Variants in LRRC40 observed in about 807,000 individuals in gnomAD.
LRRC40 encodes the protein leucine-rich repeat-containing protein 40.
A neutral mutation model predicts 72.8 loss-of-function variants in LRRC40; 76 were observed. The ratio of observed to expected loss-of-function variants is 1.04; its 90% CI spans 0.87 to 1.26. The LOEUF (loss-of-function observed/expected upper bound fraction) is 1.26. LRRC40 is among the 50% of genes most tolerant of loss of function. LRRC40 has a pLI of 0.00. For synonymous variants in LRRC40, 243 were observed against 254.2 expected (o/e 0.96, Z 0.42); for missense variants, 684 against 698.9 (o/e 0.98, Z 0.24).
chr1:70,168,026 T>G (rs1667925101), intron 9 of LRRC40, among the ~76,000 whole-genome samples: 1 of 152,140 alleles, frequency 6.6e-6, no homozygotes, highest in South Asian at 2.1e-4. Flanking sequence ...CTGCTCCCTC[T>G]CTCCCCTCTT....
Position 70,148,696 on chromosome 1 carries a change from C to T in LRRC40, c.1518-24G>A, listed in dbSNP as rs369287925. The T allele has an allele frequency of 4.9e-6, 7 of 1,425,832 alleles. No individual in the cohort carries two copies. In the African/African-American group the frequency reaches 8.5e-5, roughly 17 times the overall value. The allele number at this position is 1,425,832 out of a possible 1,614,324, so 88.3% of individuals were successfully genotyped here. Reference sequence around the variant, plus strand: ...ACCTATTAATACATGAACAGAACACCTAAATATACTGGAATCAGACCAAAA... The same window carrying T: ...ACCTATTAATACATGAACAGAACACTTAAATATACTGGAATCAGACCAAAA... On this transcript the variant is annotated intron_variant, in intron 13 of 14. Coordinates refer to ENST00000370952, the MANE Select transcript of LRRC40 (RefSeq NM_017768.5).
intron 9 of LRRC40, among the ~76,000 whole-genome samples, chr1:70,164,177 G>C (rs1667827610): frequency 6.6e-6 from 1 of 152,022 alleles, no homozygotes; most frequent in Non-Finnish European, 1.5e-5. Flanking sequence ...GATCACCTGA[G>C]GTCGGGAGTT....
intron 1 of LRRC40, among the ~76,000 whole-genome samples, chr1:70,192,801 G>C (rs768550886): frequency 3.9e-5 from 6 of 151,986 alleles, no homozygotes; most frequent in Non-Finnish European, 8.8e-5. Context: ...ACAGACACTG[G>C]GGTCCTCTTG....
intron 9 of LRRC40, 141 bp downstream of exon 9, chr1:70,173,324 T>C (rs956379555): frequency 6.4e-6 from 4 of 626,078 alleles, no homozygotes; most frequent in Admixed American, 3.0e-5. Context: ...ACAGACTATA[T>C]GGATTTAGAA....
chr1:70,200,828 CAA>C (rs1668721673), intron 1 of LRRC40, among the ~76,000 whole-genome samples: 1 of 151,910 alleles, frequency 6.6e-6, no homozygotes, highest in Non-Finnish European at 1.5e-5. Context: ...AGAGAGCGTG[CAA>C]GAGAGAGAGC....
At chr1:70,185,655 C>G (rs1490900756) in intron 3 of LRRC40, among the ~76,000 whole-genome samples, 1 of 152,170 alleles carries the variant, frequency 6.6e-6, no homozygotes, top group Non-Finnish European at 1.5e-5. Flanking sequence ...CACACATATA[C>G]CACAATGGAG....
intron 7 of LRRC40, among the ~76,000 whole-genome samples, chr1:70,173,921 T>A (rs1282367739): frequency 6.6e-6 from 1 of 152,008 alleles, no homozygotes; most frequent in African/African-American, 2.4e-5. Context: ...CATGCTGAGA[T>A]TAATTTTAAA....
At chr1:70,199,987 G>C (rs150446416) in intron 1 of LRRC40, among the ~76,000 whole-genome samples, 1 of 151,996 alleles carries the variant, frequency 6.6e-6, no homozygotes, top group East Asian at 1.9e-4. Flanking sequence ...TACTGGACTG[G>C]GTTAATAGTC....
At chr1:70,164,980 G>A (rs959015641) in intron 9 of LRRC40, among the ~76,000 whole-genome samples, 5 of 152,142 alleles carry the variant, frequency 3.3e-5, no homozygotes, top group Admixed American at 2.0e-4. Context: ...CAAGGACATT[G>A]TAGGGTAATT....
intron 6 of LRRC40, among the ~76,000 whole-genome samples, chr1:70,177,788 G>T (rs1668141812): frequency 6.6e-6 from 1 of 152,052 alleles, no homozygotes; most frequent in South Asian, 2.1e-4. Context: ...AATGACAATG[G>T]GTTTTAGGTT....
chr1:70,179,068 A>AT lies in LRRC40; in HGVS notation c.662-76dup, dbSNP rs1268639546. 3 of 856,196 alleles carry AT rather than the reference A, an allele frequency of 3.5e-6. No homozygotes were observed. In the Admixed American group the frequency reaches 9.8e-5, roughly 28 times the overall value. 53.0% of individuals were successfully genotyped at this position (856,196 alleles called of 1,614,324 possible). ...TTCTGATCGTATACAACTTTAAAGAATGTGTAAGAAATCGCTATGAGGACT... is the reference window on the plus strand; with the variant it reads ...TTCTGATCGTATACAACTTTAAAGAATTGTGTAAGAAATCGCTATGAGGACT... On this transcript the variant is annotated intron_variant, in intron 5 of 14. Transcript: ENST00000370952.
rs1012039308 is a variant in LRRC40, at chr1:70,145,687, C to T, written c.*113G>A. The stretch of plus-strand genomic sequence containing the variant: ...ACAGGTAGGTGATACTGGGAAACTA[C>T]AAGATCAATTACAATAATCACCTTT... On this transcript the variant is annotated 3_prime_UTR_variant, in exon 15 of 15. Coordinates refer to ENST00000370952, the MANE Select transcript of LRRC40 (RefSeq NM_017768.5). 1.1e-5 allele frequency: 6 copies of T among 550,808 alleles called. No individual in the cohort carries two copies. The highest frequency in any genetic ancestry group is 1.3e-5 in the Non-Finnish European group (4 of 307,468). The allele number at this position is 550,808 out of a possible 1,614,324, so 34.1% of individuals were successfully genotyped here.
At chr1:70,198,966 C>A (rs1220379309) in intron 1 of LRRC40, among the ~76,000 whole-genome samples, 2 of 152,128 alleles carry the variant, frequency 1.3e-5, no homozygotes, top group East Asian at 3.9e-4. Flanking sequence ...GCCTGGGTAA[C>A]ATAGCAAGAC....
At chr1:70,159,153 T>C (rs1667703454) in intron 10 of LRRC40, among the ~76,000 whole-genome samples, 177 bp downstream of exon 10, 1 of 152,102 alleles carries the variant, frequency 6.6e-6, no homozygotes, top group South Asian at 2.1e-4. Context: ...TCCTATGTGT[T>C]TGGTAATGTT....
intron 10 of LRRC40, among the ~76,000 whole-genome samples, chr1:70,157,604 T>C (rs767261883): frequency 1.4e-4 from 22 of 152,184 alleles, no homozygotes; most frequent in Non-Finnish European, 2.8e-4. Flanking sequence ...CCCCTTAGAA[T>C]AGAGACTCAA....
intron 6 of LRRC40, among the ~76,000 whole-genome samples, chr1:70,177,737 G>A (rs538015191): frequency 1.5e-4 from 23 of 152,224 alleles, no homozygotes; most frequent in African/African-American, 5.5e-4. Context: ...TAAACTTATG[G>A]TATCAATACA....
At chr1:70,185,614 C>T (rs955184143) in intron 3 of LRRC40, among the ~76,000 whole-genome samples, 1 of 152,184 alleles carries the variant, frequency 6.6e-6, no homozygotes, top group African/African-American at 2.4e-5. Flanking sequence ...CATACTATAA[C>T]TGACTTTCAG....
chr1:70,182,496 A>G (rs909599711), intron 4 of LRRC40, among the ~76,000 whole-genome samples: 53 of 152,032 alleles, frequency 3.5e-4, no homozygotes, highest in Non-Finnish European at 4.3e-4. Flanking sequence ...ACCTAAAATT[A>G]TTCTAAAATA....
chr1:70,185,042 T>C, intron 3 of LRRC40, 128 bp from the exon 4 acceptor site: 1 of 680,460 alleles, frequency 1.5e-6, no homozygotes, highest in Non-Finnish European at 2.3e-6. Flanking sequence ...CTTTAAGTAC[T>C]TATCAAAATT....
Sources: gnomAD v4.1 joint callset for allele counts (sites outside exome capture counted in the v4.1 genomes callset) on GRCh38, gnomAD v4.1.1 for gene constraint, MANE v1.5 for transcripts, NCBI Gene and HGNC (gene_info 2026-07-23, HGNC 2026-07-21) for gene names.